Variants in SLC27A2 observed in about 807,000 individuals in gnomAD.
The protein encoded by SLC27A2 is solute carrier family 27 member 2.
In SLC27A2, 54 loss-of-function variants were observed where a neutral mutation model predicts 60.0. The observed-to-expected ratio is 0.90, with a 90% CI of 0.72 to 1.13. The LOEUF is 1.13. Ranked by LOEUF, SLC27A2 falls within the 50% of genes most tolerant of loss-of-function variation. The pLI, the probability that SLC27A2 is intolerant of heterozygous loss-of-function variation, is 0.00. For missense variants in SLC27A2, 739 were observed against 777.6 expected (o/e 0.95, Z 0.59); for synonymous variants, 297 against 297.6 (o/e 1.00, Z 0.02).
intron 1 of SLC27A2, among the ~76,000 whole-genome samples, chr15:50,188,522 C>T (rs1040579113): frequency 6.6e-6 from 1 of 152,218 alleles, no homozygotes; most frequent in Non-Finnish European, 1.5e-5. Flanking sequence ...ATCTAATCTA[C>T]ACTCTTCCCA....
In SLC27A2 at chr15:50,235,914, T is replaced by C; in HGVS notation, c.1687-6T>C. The C allele has an allele frequency of 6.2e-7, 1 of 1,603,882 alleles. No individual in the cohort carries two copies. Among genetic ancestry groups the C allele is most frequent in the Non-Finnish European group, 8.5e-7 (1 of 1,172,900 alleles). On this transcript the variant is annotated splice_region_variant and splice_polypyrimidine_tract_variant and intron_variant, in intron 9 of 9. Transcript: ENST00000267842. ...ACCAAAATGTGGATTATTTGATGTT[T>C]TTCAGGACACCATTGAGATCACTGG...
At chr15:50,230,109 C>G (rs2045306940) in intron 8 of SLC27A2, among the ~76,000 whole-genome samples, 1 of 151,864 alleles carries the variant, frequency 6.6e-6, no homozygotes, top group African/African-American at 2.4e-5. Flanking sequence ...TGGCACGTGC[C>G]TATAGTCCCA....
chr15:50,218,086 A>C (rs12914856), intron 4 of SLC27A2, among the ~76,000 whole-genome samples: 105 of 144,344 alleles, frequency 7.3e-4, no homozygotes, highest in African/African-American at 2.2e-3. Context: ...AAAAAAAAAA[A>C]CCGGGAGAAA....
chr15:50,228,956 A>G lies in SLC27A2; in HGVS notation c.1469A>G (p.Glu490Gly), dbSNP rs747341671. ...GTCCTTTCTTCCAGGTGGAAAGGGG[A>G]AAATGTGGCCACCACTGAAGTTGCT... ...RVGDTFRWKGENVATTEVADT... is the reference protein window; with the variant it reads ...RVGDTFRWKGGNVATTEVADT... The change falls in exon 8 of 10, where the codon GAA becomes GGA. Residue 490 changes from glutamate (E) to glycine (G), a missense_variant. Transcript: ENST00000267842. 14 of 1,612,506 alleles carry G rather than the reference A, an allele frequency of 8.7e-6. No individual in the cohort carries two copies. Among genetic ancestry groups the G allele is most frequent in the Non-Finnish European group, 1.2e-5 (14 of 1,178,664 alleles).
Position 50,182,845 on chromosome 15 carries a change from G to C in SLC27A2, c.418G>C (p.Ala140Pro), listed in dbSNP as rs1292649292. The C allele has an allele frequency of 6.2e-7, 1 of 1,613,206 alleles. No homozygotes were observed. Among genetic ancestry groups the C allele is most frequent in the Non-Finnish European group, 8.5e-7 (1 of 1,179,960 alleles). The change falls in exon 1 of 10, where the codon GCG becomes CCG. Residue 140 changes from alanine (A) to proline (P), a missense_variant. By Grantham distance (27) the Ala-to-Pro change is conservative. Transcript: ENST00000267842. ...AMACLNYNIR[A>P]KSLLHCFQCC... The stretch of plus-strand genomic sequence containing the variant: ...GGCGTGCCTCAATTACAACATCCGC[G>C]CGAAGTCCCTGCTGCACTGCTTCCA...
chr15:50,227,144 A>G lies in SLC27A2; in HGVS notation c.1423A>G (p.Ile475Val), dbSNP rs2045284481. Reference protein sequence around the residue: ...DLLMVDHENFIYFHDRVGDTF... With the variant: ...DLLMVDHENFVYFHDRVGDTF... Reference sequence around the variant, plus strand: ...CTTAATGGTTGACCATGAAAATTTCATCTATTTCCACGACAGAGTTGGAGA... The same window carrying G: ...CTTAATGGTTGACCATGAAAATTTCGTCTATTTCCACGACAGAGTTGGAGA... Residue 475 changes from isoleucine (I) to valine (V), a missense_variant, in exon 7 of 10, where the codon ATC becomes GTC. Physicochemically the swap from Ile to Val is conservative, Grantham distance 29. Coordinates refer to ENST00000267842, the MANE Select transcript of SLC27A2 (RefSeq NM_003645.4). The G allele has an allele frequency of 1.9e-6, 3 of 1,614,046 alleles. No individual in the cohort carries two copies. Among genetic ancestry groups the G allele is most frequent in the Non-Finnish European group, 2.5e-6 (3 of 1,179,976 alleles).
Position 50,216,610 on chromosome 15 carries a change from G to GTGTGTGTGTGTGTGTGTA in SLC27A2, c.973-6354_973-6353insGTGTGTGTGTGTGTGTAT, listed in dbSNP as rs1323910367. 1.3e-3 allele frequency among the ~76,000 whole-genome samples: 89 copies of GTGTGTGTGTGTGTGTGTA among 66,436 alleles called. 1 individual carries two copies. Among genetic ancestry groups the GTGTGTGTGTGTGTGTGTA allele is most frequent in the Non-Finnish European group, 2.1e-3 (72 of 33,672 alleles). 43.6% of individuals were successfully genotyped at this position (66,436 alleles called of 152,430 possible). ...AAGAAACTGTGGTGTGTGTGTGTGTGTATATATATATATATATATATATAT... is the reference window on the plus strand; with the variant it reads ...AAGAAACTGTGGTGTGTGTGTGTGTGTGTGTGTGTGTGTGTGTATATATATATATATATATATATATAT... On this transcript the variant is annotated intron_variant, in intron 4 of 9. Transcript: ENST00000267842.
At chr15:50,229,324 G>A (rs553416180) in intron 8 of SLC27A2, among the ~76,000 whole-genome samples, 3 of 152,328 alleles carry the variant, frequency 2.0e-5, no homozygotes, top group South Asian at 2.1e-4. Context: ...GGCACACCTC[G>A]AGAAAAGTCG....
At chr15:50,221,574 C>T (rs2045242375) in intron 4 of SLC27A2, among the ~76,000 whole-genome samples, 1 of 152,238 alleles carries the variant, frequency 6.6e-6, no homozygotes, top group Non-Finnish European at 1.5e-5. Flanking sequence ...GTCCCGTACC[C>T]TTATAGTGCT....
chr15:50,208,709 T>C lies in SLC27A2; in HGVS notation c.972+3346T>C, dbSNP rs139701472. On this transcript the variant is annotated intron_variant, in intron 4 of 9. Transcript: ENST00000267842. ...CTTAGTTAATCACTCTCATCTGAGGTTGAGTAGGGGATGGGATAGCAAAGC... is the reference window on the plus strand; with the variant it reads ...CTTAGTTAATCACTCTCATCTGAGGCTGAGTAGGGGATGGGATAGCAAAGC... Among the ~76,000 whole-genome samples, 33 of 152,228 alleles carry C rather than the reference T, an allele frequency of 2.2e-4. 1 individual carries two copies. In the East Asian group the frequency reaches 6.4e-3, roughly 29 times the overall value.
chr15:50,226,185 GA>G (rs1337936292), intron 6 of SLC27A2, 107 bp downstream of exon 6: 4 of 689,744 alleles, frequency 5.8e-6, no homozygotes, highest in Non-Finnish European at 7.7e-6. Flanking sequence ...TCAGAGTGGG[GA>G]AAAGGGGGGT....
At chr15:50,209,017 T>C (rs1422224460) in intron 4 of SLC27A2, among the ~76,000 whole-genome samples, 1 of 152,044 alleles carries the variant, frequency 6.6e-6, no homozygotes, top group Non-Finnish European at 1.5e-5. Context: ...TGGACAAGGC[T>C]CCAGTACAGG....
chr15:50,228,828 G>C lies in SLC27A2; in HGVS notation c.1458-117G>C. On this transcript the variant is annotated intron_variant, in intron 7 of 9. Transcript: ENST00000267842. ...TAAGTTGGGGAGTTTGAGGGGCCAAGATGAGGAACACGAGATCAGGATCAT... is the reference window on the plus strand; with the variant it reads ...TAAGTTGGGGAGTTTGAGGGGCCAACATGAGGAACACGAGATCAGGATCAT... 4 of 718,880 alleles carry C rather than the reference G, an allele frequency of 5.6e-6. No individual in the cohort carries two copies. The South Asian group carries it at 6.9e-5, about 12-fold the overall frequency. 44.5% of individuals were successfully genotyped at this position (718,880 alleles called of 1,614,324 possible). A position where few individuals can be genotyped will look rare whatever the true frequency, so the allele number is the denominator to read the frequency against.
Position 50,202,471 on chromosome 15 carries a change from T to C in SLC27A2, c.689-16T>C, listed in dbSNP as rs749583728. 7 of 1,613,884 alleles carry C rather than the reference T, an allele frequency of 4.3e-6. No individual in the cohort carries two copies. Among genetic ancestry groups the C allele is most frequent in the Non-Finnish European group, 5.9e-6 (7 of 1,179,850 alleles). On this transcript the variant is annotated splice_polypyrimidine_tract_variant and intron_variant, in intron 2 of 9. Coordinates refer to ENST00000267842, the MANE Select transcript of SLC27A2 (RefSeq NM_003645.4). ...AATCTTGGTTAACTCATGCCTTCTC[T>C]TGTATATTTACAAAGGTCTTCCAAA...
intron 8 of SLC27A2, 35 bp from the exon 9 acceptor site, chr15:50,233,833 T>A (rs16963464): frequency 0.14 from 223,494 of 1,578,448 alleles, 16,691 homozygotes; most frequent in Middle Eastern, 0.16. Context: ...ATAAATAGCC[T>A]TAACACTTCT....
chr15:50,191,815 T>C (rs1232445058), intron 1 of SLC27A2, among the ~76,000 whole-genome samples: 2 of 152,128 alleles, frequency 1.3e-5, no homozygotes, highest in East Asian at 3.8e-4. Flanking sequence ...ATCCCAACAC[T>C]TTGGGAGGCC....
rs192783139 is a variant in SLC27A2 at position 50,200,994 on chromosome 15, C to T, written c.689-1493C>T. On this transcript the variant is annotated intron_variant, in intron 2 of 9. Transcript: ENST00000267842. ...AAGTTATCTATCAAAATTACAAAGA[C>T]TCTTACTCTTTTTTTGAGACAGAAA... Among the ~76,000 whole-genome samples the T allele has an allele frequency of 3.9e-5, 6 of 152,236 alleles. No homozygotes were observed. The East Asian group carries it at 1.2e-3, about 29-fold the overall frequency.
In SLC27A2 at chr15:50,228,997, G is replaced by A. The variant is rs774153448; in HGVS notation, c.1510G>A (p.Val504Ile). 5 of 1,613,850 alleles carry A rather than the reference G, an allele frequency of 3.1e-6. No homozygotes were observed. The South Asian group carries it at 5.5e-5, about 18-fold the overall frequency. ...TTEVADTVGL[V>I]DFVQEVNVYG... ...TGAAGTTGCTGATACAGTTGGACTG[G>A]TTGATTTTGTCCAAGAAGTAAATGT... Residue 504 changes from valine to isoleucine, a missense_variant, in exon 8 of 10, where the codon GTT becomes ATT. By Grantham distance (29) the Val-to-Ile change is conservative (BLOSUM62 3). Transcript: ENST00000267842.
intron 1 of SLC27A2, among the ~76,000 whole-genome samples, chr15:50,188,211 T>G (rs958303437): frequency 6.6e-6 from 1 of 152,052 alleles, no homozygotes; most frequent in African/African-American, 2.4e-5. Context: ...CACTGACTAT[T>G]GAGCTGAACA....
Sources: allele counts gnomAD v4.1 joint callset (sites outside exome capture counted in the v4.1 genomes callset), GRCh38; gene constraint gnomAD v4.1.1; transcripts MANE v1.5; gene names NCBI Gene and HGNC (gene_info 2026-07-23, HGNC 2026-07-21).